UTRN: variants seen among roughly 807,000 people sequenced by gnomAD.
The protein encoded by UTRN is dystrophin-related protein 1.
Under a neutral mutation model 463.9 loss-of-function variants are expected in UTRN, and 283 were observed. The ratio of observed to expected loss-of-function variants is 0.61; its 90% confidence interval spans 0.55 to 0.67. The LOEUF is 0.67. Ranked by LOEUF, UTRN falls within the 30% of genes least tolerant of loss-of-function variation. The pLI is 0.00. For synonymous variants in UTRN, 1,442 were observed against 1,431.5 expected (o/e 1.01, Z -0.17); for missense variants, 3,922 against 4,084.3 (o/e 0.96, Z 1.08).
intron 41 of UTRN, among the ~76,000 whole-genome samples, chr6:144,527,770 G>A (rs1228372349): frequency 2.0e-5 from 3 of 152,068 alleles, no homozygotes; most frequent in South Asian, 2.1e-4. Flanking sequence ...CTACTTGTTC[G>A]AATTTATTGC....
At position 144,836,525 on chromosome 6, in the gene UTRN, G is replaced by A. The variant is rs750419662; in HGVS notation, c.10049G>A (p.Arg3350Gln). ...CTGGAGTCTCAGCTCCACCGCCTCC[G>A]ACAGCTGCTGGAGCAGGTAGGGTGT... is the stretch of plus-strand genomic sequence containing the variant. Reference protein sequence around the residue: ...KQLESQLHRLRQLLEQPESDS... With the variant: ...KQLESQLHRLQQLLEQPESDS... The change falls in exon 71 of 75, where the codon CGA becomes CAA. Residue 3350 changes from arginine to glutamine, a missense_variant. This residue lies in a region of UTRN where 1,309 missense variants were observed against 1,452.6 expected (regional missense o/e 0.90). Coordinates refer to ENST00000367545, the MANE Select transcript of UTRN (RefSeq NM_007124.3). 9 of 1,613,460 alleles carry A rather than the reference G, an allele frequency of 5.6e-6. No individual in the cohort carries two copies. The highest frequency in any genetic ancestry group is 4.5e-5 in the East Asian group (2 of 44,828).
intron 73 of UTRN, among the ~76,000 whole-genome samples, chr6:144,842,110 CAAAAAAAAA>C (rs35954430): frequency 4.3e-4 from 27 of 62,108 alleles, no homozygotes; most frequent in Middle Eastern, 0.01. Flanking sequence ...ACTTCCTCTC[CAAAAAAAAA>C]AAAAAAAAAA....
intron 49 of UTRN, 85 bp from the exon 50 acceptor site, chr6:144,557,072 A>T: frequency 6.7e-7 from 1 of 1,492,948 alleles, no homozygotes; most frequent in Non-Finnish European, 9.0e-7. Flanking sequence ...AAAGCATGTC[A>T]AAATCTGCTG....
chr6:144,727,487 G>A (rs1165473267), intron 53 of UTRN, among the ~76,000 whole-genome samples: 2 of 152,312 alleles, frequency 1.3e-5, no homozygotes, highest in African/African-American at 4.8e-5. Context: ...AGCCAGGCGT[G>A]GTGGCCCATG....
intron 2 of UTRN, among the ~76,000 whole-genome samples, chr6:144,342,342 TACAC>T (rs55809792): frequency 0.069 from 9,548 of 138,134 alleles, 942 homozygotes; most frequent in African/African-American, 0.21. Flanking sequence ...GGTACACACA[TACAC>T]ACACACACAC....
At chr6:144,548,137 T>C (rs970703907) in intron 46 of UTRN, among the ~76,000 whole-genome samples, 1 of 152,208 alleles carries the variant, frequency 6.6e-6, no homozygotes, top group African/African-American at 2.4e-5. Context: ...TGAAAAGATA[T>C]TCTTTGCAAG....
intron 51 of UTRN, among the ~76,000 whole-genome samples, chr6:144,677,070 T>A (rs1398200015): frequency 6.6e-6 from 1 of 152,066 alleles, no homozygotes; most frequent in Non-Finnish European, 1.5e-5. Context: ...ATACATTTTT[T>A]AAAAAAATTG....
chr6:144,609,636 T>C (rs1299325525), intron 51 of UTRN, among the ~76,000 whole-genome samples: 1 of 152,172 alleles, frequency 6.6e-6, no homozygotes, highest in Non-Finnish European at 1.5e-5. Flanking sequence ...ACGTTCTTCT[T>C]AAGTGAACAT....
chr6:144,646,190 G>A (rs537020770), intron 51 of UTRN, among the ~76,000 whole-genome samples: 43 of 152,132 alleles, frequency 2.8e-4, no homozygotes, highest in Non-Finnish European at 4.7e-4. Flanking sequence ...AATTCTATTC[G>A]GCTTGAAAAG....
rs577032589 is a variant in UTRN at position 144,747,258 on chromosome 6, G to A, written c.7940-988G>A. On this transcript the variant is annotated intron_variant, in intron 54 of 74. Transcript: ENST00000367545. ...AATTAATGTACAGTTTATGTCAATT[G>A]CACTGCCTCTTTATTTGCAGTGGAC... is the stretch of plus-strand genomic sequence containing the variant. 3.9e-5 allele frequency among the ~76,000 whole-genome samples: 6 copies of A among 152,302 alleles called. No individual in the cohort carries two copies. The East Asian group carries it at 1.2e-3, about 29-fold the overall frequency.
At chr6:144,419,973 GAC>G (rs60093118) in intron 3 of UTRN, among the ~76,000 whole-genome samples, 10,377 of 147,926 alleles carry the variant, frequency 0.07, 520 homozygotes, top group East Asian at 0.15. Context: ...CACAGACACA[GAC>G]ACACACACAC....
intron 51 of UTRN, among the ~76,000 whole-genome samples, chr6:144,662,002 A>ATCTAT (rs1779916016): frequency 2.0e-5 from 3 of 150,302 alleles, no homozygotes; most frequent in East Asian, 4.7e-4. Context: ...TATTATTATT[A>ATCTAT]TTATCTATTT....
At chr6:144,444,736 AAAT>A (rs572317486) in intron 14 of UTRN, among the ~76,000 whole-genome samples, 68 of 152,334 alleles carry the variant, frequency 4.5e-4, no homozygotes, top group Non-Finnish European at 7.6e-4. Flanking sequence ...TGTGCTCAGT[AAAT>A]AATGAGTAAT....
chr6:144,534,576 C>T (rs1362380780), intron 43 of UTRN, among the ~76,000 whole-genome samples: 1 of 152,152 alleles, frequency 6.6e-6, no homozygotes, highest in Non-Finnish European at 1.5e-5. Context: ...CTTAAAGTAT[C>T]TATTTCTTAT....
intron 2 of UTRN, among the ~76,000 whole-genome samples, chr6:144,378,887 C>G (rs1402931840): frequency 6.6e-6 from 1 of 152,112 alleles, no homozygotes; most frequent in East Asian, 1.9e-4. Flanking sequence ...TGGATGGACT[C>G]AAGCTGTATT....
At position 144,797,919 on chromosome 6, in the gene UTRN, G is replaced by A. The variant is rs1303827398; in HGVS notation, c.9174G>A (p.Val3058=). 1 of 1,614,166 alleles carries A rather than the reference G, an allele frequency of 6.2e-7. No homozygotes were observed. The highest frequency in any genetic ancestry group is 8.5e-7 in the Non-Finnish European group (1 of 1,180,012). Residue 3058 remains valine, a synonymous_variant, in exon 64 of 75, where the codon GTG becomes GTA. Transcript: ENST00000367545. ...TTTGGCTCCCAGTTTTACATCGAGTGGCAGCAGCGGAGACTGCAAAACATC... is the reference window on the plus strand; with the variant it reads ...TTTGGCTCCCAGTTTTACATCGAGTAGCAGCAGCGGAGACTGCAAAACATC... The part of the protein sequence containing the change: ...SMVWLPVLHR[V]AAAETAKHQA...
chr6:144,699,026 A>T (rs898209751), intron 52 of UTRN, among the ~76,000 whole-genome samples: 1 of 152,210 alleles, frequency 6.6e-6, no homozygotes, highest in Non-Finnish European at 1.5e-5. Context: ...TGTCGAAGCA[A>T]TGCCTGATTA....
chr6:144,563,592 T>G lies in UTRN; in HGVS notation c.7289+6281T>G, dbSNP rs181860284. 3.3e-5 allele frequency among the ~76,000 whole-genome samples: 5 copies of G among 152,282 alleles called. No homozygotes were observed. The East Asian group carries it at 9.6e-4, about 29-fold the overall frequency. On this transcript the variant is annotated intron_variant, in intron 50 of 74. Coordinates refer to ENST00000367545, the MANE Select transcript of UTRN (RefSeq NM_007124.3). ...GCCCACCAATATGAGGTTCAGAGAT[T>G]TGGGTCAGTCAACTTGATTTATCCT...
chr6:144,633,311 G>A (rs1465023195), intron 51 of UTRN, among the ~76,000 whole-genome samples: 1 of 147,542 alleles, frequency 6.8e-6, no homozygotes, highest in Non-Finnish European at 1.5e-5. Flanking sequence ...CGCACTGCAA[G>A]CTCCGCCTCC....
Sources: allele counts gnomAD v4.1 joint callset (sites outside exome capture counted in the v4.1 genomes callset), GRCh38; gene constraint gnomAD v4.1.1; regional missense constraint gnomAD v4.1.1; transcripts MANE v1.5; gene names NCBI Gene and HGNC (gene_info 2026-07-23, HGNC 2026-07-21).